Variants in BCL7A observed in about 807,000 individuals in gnomAD.
The protein encoded by BCL7A is B-cell CLL/lymphoma 7 protein family member A.
A neutral mutation model predicts 28.4 loss-of-function variants in BCL7A; 11 were observed. That is an observed-to-expected ratio of 0.39 (90% CI 0.24 to 0.64). BCL7A has a LOEUF of 0.64. Ranked by LOEUF, BCL7A falls within the 30% of genes least tolerant of loss-of-function variation. The pLI is 0.50. For missense variants in BCL7A, 222 were observed against 274.8 expected (o/e 0.81, Z 1.36); for synonymous variants, 123 against 103.3 (o/e 1.19, Z -1.15).
chr12:122,045,210 G>A (rs2135853319), intron 4 of BCL7A, among the ~76,000 whole-genome samples: 1 of 152,154 alleles, frequency 6.6e-6, no homozygotes, highest in African/African-American at 2.4e-5. Context: ...GTGAAACCCT[G>A]TCTCTACTAA....
intron 1 of BCL7A, among the ~76,000 whole-genome samples, chr12:122,028,002 C>G (rs982315887): frequency 6.6e-6 from 1 of 152,052 alleles, no homozygotes; most frequent in Non-Finnish European, 1.5e-5. Flanking sequence ...ACCCGTGTGC[C>G]CACCCAGTGT....
chr12:122,051,863 TC>T (rs1884196892), intron 4 of BCL7A, among the ~76,000 whole-genome samples: 98 of 120,924 alleles, frequency 8.1e-4, no homozygotes, highest in African/African-American at 3.1e-3. Context: ...TTTCTCTCTC[TC>T]TCTTTTTTTT....
Position 122,021,957 on chromosome 12 carries a change from T to TGTGTGAGA in BCL7A, c.-134_-133insTGTGAGAG, listed in dbSNP as rs776212842. ...GTGTGTGTGTGTGTGTGTGTGTGTG[T>TGTGTGAGA]GAGTGTGTGCGTGTGAGAGTGCGAG... On this transcript the variant is annotated 5_prime_UTR_variant, in exon 1 of 6. The change abolishes the stop of an existing upstream ORF in the 5' untranslated region. Coordinates refer to ENST00000261822, the MANE Select transcript of BCL7A (RefSeq NM_001024808.3). 53 of 583,950 alleles carry TGTGTGAGA rather than the reference T, an allele frequency of 9.1e-5. No homozygotes were observed. The highest frequency in any genetic ancestry group is 1.2e-4 in the Non-Finnish European group (39 of 329,128). 36.2% of individuals were successfully genotyped at this position (583,950 alleles called of 1,614,324 possible).
chr12:122,036,215 T>C (rs538756204), intron 3 of BCL7A, among the ~76,000 whole-genome samples: 1 of 152,272 alleles, frequency 6.6e-6, no homozygotes, highest in African/African-American at 2.4e-5. Flanking sequence ...TACACCTAAC[T>C]TCCTTTGCTG....
chr12:122,024,013 C>A, intron 1 of BCL7A, among the ~76,000 whole-genome samples: 1 of 152,208 alleles, frequency 6.6e-6, no homozygotes, highest in Admixed American at 6.5e-5. Context: ...ACAGCTGCTC[C>A]CGCAGAGCGG....
At chr12:122,053,687 A>T (rs538817684) in intron 4 of BCL7A, among the ~76,000 whole-genome samples, 3 of 60,302 alleles carry the variant, frequency 5.0e-5, no homozygotes, top group Admixed American at 1.7e-4. Flanking sequence ...AGCTGCACCC[A>T]CCCCCCCGCC....
chr12:122,059,971 T>C lies in BCL7A; in HGVS notation c.*808T>C. Reference sequence around the variant, plus strand: ...TGGACGTGCAAAGCCCTTGGAATTTTCTGGCACTTCCTCTCTATTGCCCCC... The same window carrying C: ...TGGACGTGCAAAGCCCTTGGAATTTCCTGGCACTTCCTCTCTATTGCCCCC... On this transcript the variant is annotated 3_prime_UTR_variant, in exon 6 of 6. Transcript: ENST00000261822. The surrounding 1 kb of genome is among the most constrained non-coding windows in gnomAD (Gnocchi z 4.0). The C allele has an allele frequency of 4.3e-6, 1 of 233,226 alleles. No homozygotes were observed. Among genetic ancestry groups the C allele is most frequent in the Non-Finnish European group, 8.5e-6 (1 of 117,812 alleles). 14.4% of individuals were successfully genotyped at this position (233,226 alleles called of 1,614,324 possible). A position where few individuals can be genotyped will look rare whatever the true frequency, so the allele number is the denominator to read the frequency against.
In BCL7A at chr12:122,044,023, G is replaced by A. The variant is rs149849440; in HGVS notation, c.409G>A (p.Ala137Thr). 216 of 1,613,846 alleles carry A rather than the reference G, an allele frequency of 1.3e-4. 2 individuals carry two copies. The highest frequency in any genetic ancestry group is 5.4e-4 in the South Asian group (49 of 91,054). The change falls in exon 4 of 6, where the codon GCT becomes ACT. Residue 137 changes from alanine (A) to threonine (T), a missense_variant. Ala to Thr is a moderately conservative substitution (Grantham distance 58). Coordinates refer to ENST00000261822, the MANE Select transcript of BCL7A (RefSeq NM_001024808.3). The part of the protein sequence containing the change: ...GTEAKVDEAQ[A>T]DGKEHPGAED... ...CGAGGCCAAGGTGGATGAGGCCCAG[G>A]CTGATGGGAAGGAGCACCCAGGAGC...
In BCL7A at chr12:122,021,930, A is replaced by ATG. The variant is rs1054142046; in HGVS notation, c.-135_-134dup. 3,245 of 387,394 alleles carry ATG rather than the reference A, an allele frequency of 8.4e-3. 6 individuals carry two copies. Among genetic ancestry groups the ATG allele is most frequent in the Middle Eastern group, 0.02 (25 of 1,246 alleles). The allele number at this position is 387,394 out of a possible 1,614,324, so 24.0% of individuals were successfully genotyped here. On this transcript the variant is annotated 5_prime_UTR_variant, in exon 1 of 6. It removes the in-frame stop codon of an upstream open reading frame in the 5' UTR. Transcript: ENST00000261822. ...GGCCCCGGGCTTTGTGTGTGTGTGT[A>ATG]TGTGTGTGTGTGTGTGTGTGTGTGT...
rs372943822 is a variant in BCL7A at position 122,043,977 on chromosome 12, G to A, written c.363G>A (p.Ser121=). Residue 121 remains serine, a synonymous_variant, in exon 4 of 6, where the codon TCG becomes TCA. Coordinates refer to ENST00000261822, the MANE Select transcript of BCL7A (RefSeq NM_001024808.3). ...CCAGCCCCGCTCCAGAGCCCAACTC[G>A]GCTGTGCCCAGCGACGGCACCGAGG... The part of the protein sequence containing the change: ...SNSSPAPEPN[S]AVPSDGTEAK... 6.2e-6 allele frequency: 10 copies of A among 1,613,860 alleles called. No homozygotes were observed. The highest frequency in any genetic ancestry group is 2.7e-5 in the African/African-American group (2 of 74,918).
At chr12:122,025,211 T>C (rs1883592893) in intron 1 of BCL7A, among the ~76,000 whole-genome samples, 1 of 152,166 alleles carries the variant, frequency 6.6e-6, no homozygotes, top group Non-Finnish European at 1.5e-5. Flanking sequence ...CAGCGTAAGC[T>C]TGGAGGCCCG....
At chr12:122,051,639 C>T (rs1045154294) in intron 4 of BCL7A, among the ~76,000 whole-genome samples, 5 of 152,062 alleles carry the variant, frequency 3.3e-5, no homozygotes, top group Admixed American at 6.6e-5. Flanking sequence ...CACGGGTCAG[C>T]GTGAGTCTCT....
In BCL7A at chr12:122,052,882, G is replaced by A. The variant is rs569816194; in HGVS notation, c.440-1923G>A. 3.3e-3 allele frequency among the ~76,000 whole-genome samples: 311 copies of A among 94,522 alleles called. 4 individuals are homozygous for A. In the East Asian group the frequency reaches 0.055, roughly 17 times the overall value. 62.0% of individuals were successfully genotyped at this position (94,522 alleles called of 152,430 possible). On this transcript the variant is annotated intron_variant, in intron 4 of 5. Coordinates refer to ENST00000261822, the MANE Select transcript of BCL7A (RefSeq NM_001024808.3). The stretch of plus-strand genomic sequence containing the variant: ...ATTTTTTTAGTCGGGGGGGGGGGGG[G>A]GTTTGCCATGTTGGCCAGGCTGGTC...
intron 1 of BCL7A, among the ~76,000 whole-genome samples, chr12:122,030,191 G>A (rs75906246): frequency 0.012 from 1,811 of 152,322 alleles, 43 homozygotes; most frequent in African/African-American, 0.041. Context: ...GCATTCTTCC[G>A]GCAGAGTGTG....
chr12:122,056,755 A>G (rs1208017906), intron 5 of BCL7A, among the ~76,000 whole-genome samples: 1 of 152,138 alleles, frequency 6.6e-6, no homozygotes, highest in Non-Finnish European at 1.5e-5. Flanking sequence ...GCAGTGGGCT[A>G]TGATCCTACC....
chr12:122,043,745 A>C (rs1884007433), intron 3 of BCL7A, 141 bp from the exon 4 acceptor site: 2 of 901,500 alleles, frequency 2.2e-6, no homozygotes, highest in Admixed American at 5.5e-5. Flanking sequence ...CAAAAAAAAA[A>C]AAAACGGTAA....
intron 1 of BCL7A, among the ~76,000 whole-genome samples, chr12:122,024,358 T>A (rs1883563538): frequency 6.6e-6 from 1 of 152,096 alleles, no homozygotes; most frequent in Admixed American, 6.5e-5. Context: ...ACGATTGAGG[T>A]CATGCCTCCG....
chr12:122,033,591 C>T (rs564276064), intron 2 of BCL7A, among the ~76,000 whole-genome samples: 8 of 152,302 alleles, frequency 5.3e-5, no homozygotes, highest in South Asian at 2.1e-4. Flanking sequence ...GGATTACCGG[C>T]GTGAGCCACC....
rs1883460706 is a variant in BCL7A at position 122,021,920 on chromosome 12, G to GTT, written c.-171_-170insTT. On this transcript the variant is annotated 5_prime_UTR_variant, in exon 1 of 6. Coordinates refer to ENST00000261822, the MANE Select transcript of BCL7A (RefSeq NM_001024808.3). Reference sequence around the variant, plus strand: ...GGCGCGCGGCGGCCCCGGGCTTTGTGTGTGTGTGTATGTGTGTGTGTGTGT... The same window carrying GTT: ...GGCGCGCGGCGGCCCCGGGCTTTGTGTTTGTGTGTGTATGTGTGTGTGTGTGT... The GTT allele has an allele frequency of 2.5e-6, 1 of 407,276 alleles. No individual in the cohort carries two copies. The highest frequency in any genetic ancestry group is 4.7e-5 in the Admixed American group (1 of 21,116). 25.2% of individuals were successfully genotyped at this position (407,276 alleles called of 1,614,324 possible).
Sources: allele counts gnomAD v4.1 joint callset (sites outside exome capture counted in the v4.1 genomes callset), GRCh38; gene constraint gnomAD v4.1.1; non-coding constraint Gnocchi (gnomAD v3.1); transcripts MANE v1.5; gene names NCBI Gene and HGNC (gene_info 2026-07-23, HGNC 2026-07-21).